The following KLHL29 variants were observed in gnomAD, a reference collection of about 807,000 sequenced individuals.
KLHL29 encodes the protein kelch-like protein 29.
KLHL29 carries 21 observed loss-of-function variants against 80.4 expected under a neutral mutation model. The observed-to-expected ratio is 0.26, with a 90% CI of 0.19 to 0.38. The LOEUF is 0.38. Ranked by LOEUF, KLHL29 falls within the 10% of genes least tolerant of loss-of-function variation. KLHL29 has a pLI of 1.00. For missense variants in KLHL29, 867 were observed against 1,223.9 expected, an observed-to-expected ratio of 0.71 and a Z score of 4.35; for synonymous variants, 511 against 526.8, an observed-to-expected ratio of 0.97 and a Z score of 0.41.
At chr2:23,632,814 G>C (rs2149150974) in intron 3 of KLHL29, among the ~76,000 whole-genome samples, 1 of 152,364 alleles carries the variant, frequency 6.6e-6, no homozygotes, top group East Asian at 1.9e-4. Context: ...TCTGCCACCA[G>C]CCTCTGCAGC....
chr2:23,643,075 C>G (rs887769837), intron 5 of KLHL29: 2 of 688,436 alleles, frequency 2.9e-6, no homozygotes, highest in African/African-American at 1.8e-5. Flanking sequence ...GAAAATGCGC[C>G]GGGGTAAGAA....
chr2:23,466,720 A>G (rs1236960452), intron 1 of KLHL29, among the ~76,000 whole-genome samples: 1 of 152,216 alleles, frequency 6.6e-6, no homozygotes, highest in East Asian at 1.9e-4. Flanking sequence ...TATCTTTTAA[A>G]TGTACATATA....
At position 23,669,807 on chromosome 2, in the gene KLHL29, G is replaced by T. The variant is rs981226190; in HGVS notation, c.941-14592G>T. Among the ~76,000 whole-genome samples the T allele has an allele frequency of 6.6e-6, 1 of 152,176 alleles. No homozygotes were observed. The highest frequency in any genetic ancestry group is 2.1e-4 in the South Asian group (1 of 4,834). On this transcript the variant is annotated intron_variant, in intron 5 of 13. Transcript: ENST00000486442. This position sits in a 1 kb window ranked among gnomAD's most constrained non-coding sequence, Gnocchi z 4.3. Reference sequence around the variant, plus strand: ...AGTACACAGGCCTGGCCCCGCCAGCGCAGGACAGCAACTCTTGGGTAACTG... The same window carrying T: ...AGTACACAGGCCTGGCCCCGCCAGCTCAGGACAGCAACTCTTGGGTAACTG...
chr2:23,573,783 T>G (rs1404361717), intron 3 of KLHL29, among the ~76,000 whole-genome samples: 2 of 152,194 alleles, frequency 1.3e-5, no homozygotes, highest in Non-Finnish European at 2.9e-5. Flanking sequence ...AGCACTCCGG[T>G]GCATGATGCT....
At chr2:23,412,802 C>T (rs368162275) in intron 1 of KLHL29, among the ~76,000 whole-genome samples, 1 of 152,138 alleles carries the variant, frequency 6.6e-6, no homozygotes, top group Non-Finnish European at 1.5e-5. Flanking sequence ...TTGTCTCCTC[C>T]GCAAGAAGCT....
intron 3 of KLHL29, among the ~76,000 whole-genome samples, chr2:23,638,085 T>TAAAAAAAAAAAAAAAAAAAAAA (rs553356362): frequency 2.0e-4 from 22 of 111,520 alleles, no homozygotes; most frequent in Middle Eastern, 5.2e-3. Flanking sequence ...ATGGCCATAG[T>TAAAAAAAAAAAAAAAAAAAAAA]AAAAAAAAAA....
At chr2:23,502,495 G>T (rs555562942) in intron 2 of KLHL29, among the ~76,000 whole-genome samples, 2 of 152,348 alleles carry the variant, frequency 1.3e-5, no homozygotes, top group Non-Finnish European at 2.9e-5. Context: ...TGGCCCCTAA[G>T]GGGGAGGACA....
intron 1 of KLHL29, among the ~76,000 whole-genome samples, chr2:23,425,844 C>T (rs2103405121): frequency 6.6e-6 from 1 of 152,292 alleles, no homozygotes; most frequent in East Asian, 1.9e-4. Flanking sequence ...GACCACAGGA[C>T]AATAGTGATC....
chr2:23,691,222 T>G, intron 6 of KLHL29: 1 of 218,022 alleles, frequency 4.6e-6, no homozygotes, highest in Non-Finnish European at 9.2e-6. Flanking sequence ...TATCTCTGGA[T>G]TGGCTGGCAT....
chr2:23,396,335 A>C (rs1427180746), intron 1 of KLHL29, among the ~76,000 whole-genome samples: 3 of 152,180 alleles, frequency 2.0e-5, no homozygotes, highest in Middle Eastern at 6.8e-3. Context: ...ACCCACATAC[A>C]TCCTGAGGCC....
intron 3 of KLHL29, among the ~76,000 whole-genome samples, chr2:23,587,915 T>C (rs72780365): frequency 0.029 from 4,380 of 152,336 alleles, 97 homozygotes; most frequent in Middle Eastern, 0.054. Context: ...AGGGAAGGAA[T>C]GGCCTTGTGT....
chr2:23,625,160 C>T (rs1669277615), intron 3 of KLHL29, among the ~76,000 whole-genome samples: 1 of 152,224 alleles, frequency 6.6e-6, no homozygotes, highest in Non-Finnish European at 1.5e-5. Flanking sequence ...AGATCCTGCT[C>T]CTGCCCTTGA....
intron 1 of KLHL29, among the ~76,000 whole-genome samples, chr2:23,390,028 C>T (rs1171225305): frequency 2.6e-5 from 4 of 152,132 alleles, no homozygotes; most frequent in Non-Finnish European, 5.9e-5. Flanking sequence ...GAGATCAGGA[C>T]CACCCTGAAA....
Position 23,708,245 on chromosome 2 carries a change from ATTAT to A in KLHL29, c.*1587_*1590del, listed in dbSNP as rs1325396586. ...CGAGCTTCGTTATGCAGTTTTTAATATTATTTATTATTTTAAAAAGTAATAAGCA... is the reference window on the plus strand; with the variant it reads ...CGAGCTTCGTTATGCAGTTTTTAATATTATTATTTTAAAAAGTAATAAGCA... On this transcript the variant is annotated 3_prime_UTR_variant, in exon 14 of 14. Transcript: ENST00000486442. 4.6e-5 allele frequency: 7 copies of A among 151,680 alleles called. No individual in the cohort carries two copies. The highest frequency in any genetic ancestry group is 1.9e-4 in the East Asian group (1 of 5,188). 9.4% of individuals were successfully genotyped at this position (151,680 alleles called of 1,614,324 possible).
At chr2:23,642,220 G>A in intron 4 of KLHL29, 118 bp from the exon 5 acceptor site, 1 of 948,628 alleles carries the variant, frequency 1.1e-6, no homozygotes, top group Non-Finnish European at 1.4e-6. Context: ...GTCAGTTCCT[G>A]GACGCAGGTG....
At chr2:23,488,132 T>C (rs1355501232) in intron 2 of KLHL29, among the ~76,000 whole-genome samples, 3 of 152,216 alleles carry the variant, frequency 2.0e-5, no homozygotes, top group Non-Finnish European at 4.4e-5. Flanking sequence ...CGGGAGGCAC[T>C]GGCCCCGTCT....
chr2:23,460,297 G>C (rs1428245689), intron 1 of KLHL29, among the ~76,000 whole-genome samples: 3 of 152,086 alleles, frequency 2.0e-5, no homozygotes, highest in Non-Finnish European at 4.4e-5. Flanking sequence ...GTGTGTTCAC[G>C]GGGCTTATAG....
chr2:23,469,478 G>A (rs912586279), intron 1 of KLHL29, among the ~76,000 whole-genome samples: 6 of 152,208 alleles, frequency 3.9e-5, no homozygotes, highest in South Asian at 4.1e-4. Context: ...AGGCAGAGGC[G>A]AAGCATCCTT....
chr2:23,644,512 A>T (rs3795928), intron 5 of KLHL29, among the ~76,000 whole-genome samples: 14,369 of 152,310 alleles, frequency 0.094, 1,699 homozygotes, highest in East Asian at 0.46. Flanking sequence ...CTAGCTGAGA[A>T]AGGACTGGAG....
Sources: allele counts gnomAD v4.1 joint callset (sites outside exome capture counted in the v4.1 genomes callset), GRCh38; gene constraint gnomAD v4.1.1; non-coding constraint Gnocchi (gnomAD v3.1); transcripts MANE v1.5; gene names NCBI Gene and HGNC (gene_info 2026-07-23, HGNC 2026-07-21).